ANKUB1: variants seen among roughly 807,000 people sequenced by gnomAD.
ANKUB1 encodes the protein protein ANKUB1.
In ANKUB1, 42 loss-of-function variants were observed where a neutral mutation model predicts 49.3. The ratio of observed to expected loss-of-function variants is 0.85; its 90% confidence interval spans 0.67 to 1.10. The LOEUF is 1.10. Among genes scored for constraint, ANKUB1 ranks in the 50% least tolerant of loss-of-function variants. The pLI is 0.00. For synonymous variants in ANKUB1, 222 were observed against 231.0 expected (o/e 0.96, Z 0.35); for missense variants, 613 against 642.0 (o/e 0.95, Z 0.49).
chr3:149,788,657 A>G (rs945546068), intron 2 of ANKUB1, among the ~76,000 whole-genome samples: 2 of 152,212 alleles, frequency 1.3e-5, no homozygotes, highest in African/African-American at 4.8e-5. Flanking sequence ...TCACTGTGAT[A>G]TATGATGCTT....
At chr3:149,779,889 T>A (rs1717778608) in intron 3 of ANKUB1, 1 of 269,612 alleles carries the variant, frequency 3.7e-6, no homozygotes, top group Non-Finnish European at 7.3e-6. Flanking sequence ...TTCATATCCA[T>A]ACTGAACTTA....
rs779194461 is a variant in ANKUB1 at position 149,767,962 on chromosome 3, C to T, written c.700G>A (p.Ala234Thr). The change falls in exon 5 of 6, where the codon GCC becomes ACC. Residue 234 changes from alanine (A) to threonine (T), a missense_variant. Physicochemically the swap from Ala to Thr is moderately conservative, Grantham distance 58. Coordinates refer to ENST00000446160, the MANE Select transcript of ANKUB1 (RefSeq NM_001144960.3). ...VHPYRAWCHE[A>T]LHADVSKCPI... ...CATTTAGAGACATCTGCATGAAGGGCTTCATGGCACCATGCTCGATAGGGG... is the reference window on the plus strand; with the variant it reads ...CATTTAGAGACATCTGCATGAAGGGTTTCATGGCACCATGCTCGATAGGGG... 7 of 1,542,454 alleles carry T rather than the reference C, an allele frequency of 4.5e-6. No homozygotes were observed. The highest frequency in any genetic ancestry group is 1.4e-5 in the African/African-American group (1 of 72,862).
At chr3:149,781,337 T>C (rs1717860877) in intron 2 of ANKUB1, among the ~76,000 whole-genome samples, 1 of 152,106 alleles carries the variant, frequency 6.6e-6, no homozygotes, top group East Asian at 1.9e-4. Flanking sequence ...ATAGGAAAAA[T>C]GGGAAGCAAG....
intron 5 of ANKUB1, chr3:149,763,955 C>T (rs771702063): frequency 4.4e-6 from 2 of 456,190 alleles, no homozygotes; most frequent in Non-Finnish European, 8.8e-6. Flanking sequence ...TCACATGATG[C>T]CAGATGACTT....
intron 3 of ANKUB1, among the ~76,000 whole-genome samples, chr3:149,773,386 A>G (rs1049732867): frequency 2.0e-5 from 3 of 152,142 alleles, no homozygotes; most frequent in African/African-American, 7.2e-5. Flanking sequence ...GACCTGCGTT[A>G]CTACCCTCAT....
At chr3:149,768,412 G>A (rs1340150131) in intron 4 of ANKUB1, among the ~76,000 whole-genome samples, 95 of 146,062 alleles carry the variant, frequency 6.5e-4, no homozygotes, top group Admixed American at 6.4e-3. Flanking sequence ...TACATTCTCT[G>A]AGCTATTAGA....
chr3:149,762,708 G>A (rs191476257), intron 5 of ANKUB1, among the ~76,000 whole-genome samples: 1 of 152,128 alleles, frequency 6.6e-6, no homozygotes, highest in African/African-American at 2.4e-5. Context: ...TCATGAAAAA[G>A]AACTTCTATG....
intron 2 of ANKUB1, among the ~76,000 whole-genome samples, chr3:149,781,007 T>C (rs1056701947): frequency 2.0e-5 from 3 of 150,876 alleles, no homozygotes; most frequent in African/African-American, 7.3e-5. Flanking sequence ...CTTCCTTTTT[T>C]TTTTTTTTTT....
At chr3:149,789,619 T>G (rs1370694769) in intron 2 of ANKUB1, among the ~76,000 whole-genome samples, 5 of 147,030 alleles carry the variant, frequency 3.4e-5, no homozygotes, top group African/African-American at 1.2e-4. Flanking sequence ...TAATAAATAT[T>G]GAAGAATATT....
At chr3:149,771,048 C>T (rs1348559033) in intron 3 of ANKUB1, among the ~76,000 whole-genome samples, 3 of 152,220 alleles carry the variant, frequency 2.0e-5, no homozygotes, top group Non-Finnish European at 4.4e-5. Flanking sequence ...AAACAGTCTT[C>T]TGGGGCCTTT....
chr3:149,788,055 C>T (rs1413463203), intron 2 of ANKUB1, among the ~76,000 whole-genome samples: 21 of 152,180 alleles, frequency 1.4e-4, no homozygotes, highest in Non-Finnish European at 2.9e-5. Flanking sequence ...GTGGCATCTT[C>T]CATCTCTCTC....
chr3:149,763,548 T>C (rs1042969660), intron 5 of ANKUB1, among the ~76,000 whole-genome samples: 2 of 152,192 alleles, frequency 1.3e-5, no homozygotes, highest in African/African-American at 4.8e-5. Flanking sequence ...GCTCATAACA[T>C]TTGAGATTAT....
intron 2 of ANKUB1, among the ~76,000 whole-genome samples, chr3:149,787,675 T>G (rs1469158522): frequency 6.6e-6 from 1 of 152,202 alleles, no homozygotes; most frequent in Non-Finnish European, 1.5e-5. Flanking sequence ...TTTCCATTTC[T>G]TTTCCAAATG....
intron 5 of ANKUB1, chr3:149,763,973 T>C (rs1351192220): frequency 2.2e-6 from 1 of 456,292 alleles, no homozygotes; most frequent in East Asian, 6.9e-5. Context: ...CTTGTCTGCT[T>C]TGGGAGACTC....
At chr3:149,781,001 C>CT (rs370353150) in intron 2 of ANKUB1, among the ~76,000 whole-genome samples, 11,470 of 132,770 alleles carry the variant, frequency 0.086, 764 homozygotes, top group East Asian at 0.26. Flanking sequence ...GTCTGTCTTC[C>CT]TTTTTTTTTT....
chr3:149,789,645 T>C (rs1025464051), intron 2 of ANKUB1, among the ~76,000 whole-genome samples: 3 of 151,424 alleles, frequency 2.0e-5, no homozygotes, highest in Non-Finnish European at 4.4e-5. Context: ...TTTTTTTTTT[T>C]CCGAGATGGG....
chr3:149,774,934 T>C (rs939551155), intron 3 of ANKUB1, among the ~76,000 whole-genome samples: 1 of 152,194 alleles, frequency 6.6e-6, no homozygotes, highest in African/African-American at 2.4e-5. Context: ...CTAAAACCTA[T>C]TACTGAAGAG....
chr3:149,777,929 T>G (rs1717675251), intron 3 of ANKUB1, among the ~76,000 whole-genome samples: 1 of 152,216 alleles, frequency 6.6e-6, no homozygotes, highest in Admixed American at 6.5e-5. Context: ...AAATCTTTGA[T>G]TTTCAACCTG....
chr3:149,768,242 A>G, intron 4 of ANKUB1, 147 bp from the exon 5 acceptor site: 1 of 602,020 alleles, frequency 1.7e-6, no homozygotes, highest in Non-Finnish European at 2.6e-6. Context: ...AAAGGCATAT[A>G]GTGACATACA....
Sources: gnomAD v4.1 joint callset for allele counts (sites outside exome capture counted in the v4.1 genomes callset) on GRCh38, gnomAD v4.1.1 for gene constraint, MANE v1.5 for transcripts, NCBI Gene and HGNC (gene_info 2026-07-23, HGNC 2026-07-21) for gene names.